The following MARK2 variants were observed in gnomAD, a reference collection of about 807,000 sequenced individuals.
MARK2 encodes the protein serine/threonine-protein kinase MARK2.
MARK2 carries 16 observed loss-of-function variants against 89.8 expected under a neutral mutation model. That is an observed-to-expected ratio of 0.18 (90% CI 0.12 to 0.27). The LOEUF is 0.27. Among genes scored for constraint, MARK2 ranks in the 10% least tolerant of loss-of-function variants. MARK2 has a pLI of 1.00. For missense variants in MARK2, 621 were observed against 1,049.9 expected (o/e 0.59, Z 5.65); for synonymous variants, 382 against 399.5 (o/e 0.96, Z 0.52).
chr11:63,847,784 C>A (rs1481769335), intron 1 of MARK2, among the ~76,000 whole-genome samples: 1 of 152,118 alleles, frequency 6.6e-6, no homozygotes, highest in Admixed American at 6.6e-5. Flanking sequence ...CTTTTTTGGA[C>A]TCCCTTCCCA....
rs566366351 is a variant in MARK2, at chr11:63,898,897, G to T, written c.474+64G>T. The T allele has an allele frequency of 2.5e-5, 37 of 1,465,542 alleles. 1 individual carries two copies. In the Admixed American group the frequency reaches 5.7e-4, roughly 23 times the overall value. The allele number at this position is 1,465,542 out of a possible 1,614,324, so 90.8% of individuals were successfully genotyped here. On this transcript the variant is annotated intron_variant, in intron 6 of 18. Coordinates refer to ENST00000402010, the MANE Select transcript of MARK2 (RefSeq NM_001039469.3). Reference sequence around the variant, plus strand: ...CTGCTTTTGGGGTTTGACATGTAAGGATAAGCTGCCTGTCTGTAAGTGGCC... The same window carrying T: ...CTGCTTTTGGGGTTTGACATGTAAGTATAAGCTGCCTGTCTGTAAGTGGCC...
chr11:63,856,328 T>G (rs568664308), intron 1 of MARK2, among the ~76,000 whole-genome samples: 23 of 149,654 alleles, frequency 1.5e-4, no homozygotes, highest in African/African-American at 3.2e-4. Context: ...TTTGTTTTTT[T>G]TTTTTTTTTA....
chr11:63,844,814 C>G (rs540069430), intron 1 of MARK2, among the ~76,000 whole-genome samples: 1 of 152,202 alleles, frequency 6.6e-6, no homozygotes. Flanking sequence ...GGCATTTGAT[C>G]AGGACTAACC....
In MARK2 at chr11:63,890,236, A is replaced by G. The variant is rs746499580; in HGVS notation, c.55-4923A>G. On this transcript the variant is annotated intron_variant, in intron 1 of 18. Coordinates refer to ENST00000402010, the MANE Select transcript of MARK2 (RefSeq NM_001039469.3). The stretch of plus-strand genomic sequence containing the variant: ...CTTCCTTCCAGTGGCTTGCCTCCTT[A>G]CCCTGGCTCACATCCCTGCTGTGGG... 3.8e-6 allele frequency: 5 copies of G among 1,327,174 alleles called. No homozygotes were observed. In the South Asian group the frequency reaches 4.8e-5, roughly 13 times the overall value. 82.2% of individuals were successfully genotyped at this position (1,327,174 alleles called of 1,614,324 possible).
chr11:63,852,737 G>A (rs560359453), intron 1 of MARK2, among the ~76,000 whole-genome samples: 8 of 151,668 alleles, frequency 5.3e-5, no homozygotes, highest in African/African-American at 1.9e-4. Flanking sequence ...TTTCATAAAT[G>A]TTCATAATGT....
chr11:63,902,067 A>T lies in MARK2; in HGVS notation c.1102-131A>T. ...CCTCCAGGGGGGATGTATTGGTCTTACAAGTGGATGTCCGGTATGATCCTG... is the reference window on the plus strand; with the variant it reads ...CCTCCAGGGGGGATGTATTGGTCTTTCAAGTGGATGTCCGGTATGATCCTG... On this transcript the variant is annotated intron_variant, in intron 11 of 18. Transcript: ENST00000402010. The surrounding 1 kb of genome is among the most constrained non-coding windows in gnomAD (Gnocchi z 4.2). 1 of 933,870 alleles carries T rather than the reference A, an allele frequency of 1.1e-6. No homozygotes were observed. The highest frequency in any genetic ancestry group is 1.6e-6 in the Non-Finnish European group (1 of 622,394). The allele number at this position is 933,870 out of a possible 1,614,324, so 57.8% of individuals were successfully genotyped here. A position where few individuals can be genotyped will look rare whatever the true frequency, so the allele number is the denominator to read the frequency against.
At chr11:63,845,263 T>G (rs940632145) in intron 1 of MARK2, among the ~76,000 whole-genome samples, 9 of 152,172 alleles carry the variant, frequency 5.9e-5, no homozygotes, top group African/African-American at 2.2e-4. Flanking sequence ...AGAAAGGATT[T>G]GATTCTCTTT....
chr11:63,850,998 G>A (rs1407756143), intron 1 of MARK2, among the ~76,000 whole-genome samples: 2 of 152,108 alleles, frequency 1.3e-5, no homozygotes, highest in African/African-American at 4.8e-5. Flanking sequence ...ACAGGAGAAC[G>A]TGCCCAGTTT....
chr11:63,853,474 A>C (rs1352272906), intron 1 of MARK2, among the ~76,000 whole-genome samples: 2 of 152,226 alleles, frequency 1.3e-5, no homozygotes, highest in Non-Finnish European at 2.9e-5. Context: ...CACCTTACAA[A>C]TGAGCAAATC....
intron 1 of MARK2, among the ~76,000 whole-genome samples, chr11:63,882,088 C>G (rs1939122824): frequency 6.6e-6 from 1 of 152,184 alleles, no homozygotes; most frequent in African/African-American, 2.4e-5. Flanking sequence ...GAGGACTTAC[C>G]TGGATCACAG....
intron 1 of MARK2, among the ~76,000 whole-genome samples, chr11:63,857,373 T>C (rs766599853): frequency 9.4e-5 from 14 of 148,730 alleles, no homozygotes; most frequent in Non-Finnish European, 2.1e-4. Flanking sequence ...TTGGTCAGGC[T>C]GGTCTCCATG....
intron 11 of MARK2, among the ~76,000 whole-genome samples, chr11:63,901,454 C>A (rs921669685): frequency 3.6e-4 from 13 of 36,258 alleles, no homozygotes; most frequent in East Asian, 3.8e-3. Flanking sequence ...TGTGTCTGAT[C>A]GGAAGTTTGA....
At chr11:63,869,226 C>A (rs566373447) in intron 1 of MARK2, 2 of 174,436 alleles carry the variant, frequency 1.1e-5, no homozygotes, top group African/African-American at 2.4e-5. Context: ...CACCCACCCC[C>A]ACCCTGGGCA....
At chr11:63,840,667 T>C (rs1325425299) in intron 1 of MARK2, among the ~76,000 whole-genome samples, 1 of 152,220 alleles carries the variant, frequency 6.6e-6, no homozygotes, top group African/African-American at 2.4e-5. Flanking sequence ...ACTGTGCCTT[T>C]TAATCAGCGT....
At chr11:63,901,206 T>C (rs1940835470) in intron 11 of MARK2, 137 bp downstream of exon 11, 2 of 659,036 alleles carry the variant, frequency 3.0e-6, no homozygotes, top group African/African-American at 3.6e-5. Context: ...GCCTCAGCTT[T>C]GGTGTCTAAG....
chr11:63,864,330 G>A (rs566439814), intron 1 of MARK2, among the ~76,000 whole-genome samples: 2 of 151,924 alleles, frequency 1.3e-5, no homozygotes, highest in South Asian at 2.1e-4. Flanking sequence ...TCGGCTCACC[G>A]CAACCTCCGC....
At chr11:63,843,698 C>T (rs1344777953) in intron 1 of MARK2, among the ~76,000 whole-genome samples, 1 of 151,760 alleles carries the variant, frequency 6.6e-6, no homozygotes, top group Non-Finnish European at 1.5e-5. Context: ...GATCTCGGCT[C>T]ACTGCAACCT....
intron 1 of MARK2, among the ~76,000 whole-genome samples, chr11:63,853,189 A>G (rs888801580): frequency 1.3e-5 from 2 of 152,224 alleles, no homozygotes; most frequent in Non-Finnish European, 2.9e-5. Flanking sequence ...ACCTGAGGTC[A>G]GGAGTTTGAG....
At chr11:63,887,259 A>G (rs1939456792) in intron 1 of MARK2, among the ~76,000 whole-genome samples, 1 of 152,202 alleles carries the variant, frequency 6.6e-6, no homozygotes, top group Non-Finnish European at 1.5e-5. Flanking sequence ...ACTGTCAAGA[A>G]CAGCAGAGTG....
Sources: allele counts gnomAD v4.1 joint callset (sites outside exome capture counted in the v4.1 genomes callset), GRCh38; gene constraint gnomAD v4.1.1; non-coding constraint Gnocchi (gnomAD v3.1); transcripts MANE v1.5; gene names NCBI Gene and HGNC (gene_info 2026-07-23, HGNC 2026-07-21).